The following ZAP70 variants were observed in gnomAD, a reference collection of about 807,000 sequenced individuals.
The protein encoded by ZAP70 is zeta chain of T cell receptor associated protein kinase 70, also known as tyrosine-protein kinase ZAP-70.
A neutral mutation model predicts 65.8 loss-of-function variants in ZAP70; 27 were observed. The observed-to-expected ratio is 0.41, with a 90% CI of 0.30 to 0.57. ZAP70 has a LOEUF of 0.57. Ranked by LOEUF, ZAP70 falls within the 20% of genes least tolerant of loss-of-function variation. The pLI is 0.28. For missense variants in ZAP70, 696 were observed against 870.5 expected, an observed-to-expected ratio of 0.80 and a Z score of 2.52; for synonymous variants, 363 against 360.8, an observed-to-expected ratio of 1.01 and a Z score of -0.07.
the ZAP70 span, among the ~76,000 whole-genome samples, chr2:97,747,848 T>TTTG: frequency 7.5e-6 from 1 of 134,038 alleles, no homozygotes; most frequent in Non-Finnish European, 1.6e-5. Flanking sequence ...TTTTTTTTTT[T>TTTG]GCTATTGGTG....
chr2:97,738,917 C>A (rs115081869), intron 13 of ZAP70, among the ~76,000 whole-genome samples: 1 of 152,134 alleles, frequency 6.6e-6, no homozygotes, highest in African/African-American at 2.4e-5. Context: ...TTAATACTGC[C>A]GCTCCCCGCT....
intron 2 of ZAP70, among the ~76,000 whole-genome samples, chr2:97,722,950 C>A (rs1376210803): frequency 6.6e-6 from 1 of 152,134 alleles, no homozygotes; most frequent in African/African-American, 2.4e-5. Flanking sequence ...TGAGGGAGGG[C>A]AAATACAATG....
At chr2:97,738,261 C>T in intron 13 of ZAP70, 154 bp downstream of exon 13, 1 of 746,276 alleles carries the variant, frequency 1.3e-6, no homozygotes, top group Non-Finnish European at 2.3e-6. Context: ...ACCCCCACAC[C>T]CAGCTCTCCA....
Position 97,731,627 on chromosome 2 carries a change from C to T in ZAP70, c.564-1256C>T, listed in dbSNP as rs1042213532. Among the ~76,000 whole-genome samples, 1 of 152,204 alleles carries T rather than the reference C, an allele frequency of 6.6e-6. No homozygotes were observed. Among genetic ancestry groups the T allele is most frequent in the Non-Finnish European group, 1.5e-5 (1 of 68,036 alleles). Reference sequence around the variant, plus strand: ...AGGATGGTCACAGCTGCACCTCTCTCCCTCACTCAGGGGACATTTCCTAAG... The same window carrying T: ...AGGATGGTCACAGCTGCACCTCTCTTCCTCACTCAGGGGACATTTCCTAAG... On this transcript the variant is annotated intron_variant, in intron 4 of 13. Coordinates refer to ENST00000264972, the MANE Select transcript of ZAP70 (RefSeq NM_001079.4). The surrounding 1 kb of genome is among the most constrained non-coding windows in gnomAD (Gnocchi z 4.0).
intron 2 of ZAP70, among the ~76,000 whole-genome samples, chr2:97,714,999 G>A (rs1056488975): frequency 2.6e-5 from 4 of 152,088 alleles, no homozygotes; most frequent in South Asian, 2.1e-4. Context: ...CAGGGCTCTC[G>A]GGAGGATAAA....
chr2:97,734,750 T>TG lies in ZAP70; in HGVS notation c.1082+42dup, dbSNP rs781392738. 4 of 1,609,632 alleles carry TG rather than the reference T, an allele frequency of 2.5e-6. No individual in the cohort carries two copies. The African/African-American group carries it at 5.3e-5, about 21-fold the overall frequency. ...CTGCCGTGGTGGGAGCACCGCCGCCTGGGGCAGAGGGGAGTGGCTTCACCG... is the reference window on the plus strand; with the variant it reads ...CTGCCGTGGTGGGAGCACCGCCGCCTGGGGGCAGAGGGGAGTGGCTTCACCG... On this transcript the variant is annotated intron_variant, in intron 9 of 13. Transcript: ENST00000264972.
intron 2 of ZAP70, among the ~76,000 whole-genome samples, chr2:97,719,101 G>C (rs557789885): frequency 2.5e-4 from 38 of 152,274 alleles, no homozygotes; most frequent in African/African-American, 8.7e-4. Context: ...AATTGCCAAG[G>C]AGCAACTTGC....
intron 2 of ZAP70, among the ~76,000 whole-genome samples, chr2:97,719,914 A>G (rs1231354942): frequency 1.3e-5 from 2 of 152,014 alleles, no homozygotes; most frequent in African/African-American, 2.4e-5. Flanking sequence ...CCGTCCCTAT[A>G]GTTGTGTGTG....
chr2:97,716,189 G>A (rs1202529610), intron 2 of ZAP70, among the ~76,000 whole-genome samples: 1 of 152,174 alleles, frequency 6.6e-6, no homozygotes. Context: ...GGATCCTCAG[G>A]ATGGGCCCCT....
intron 2 of ZAP70, among the ~76,000 whole-genome samples, chr2:97,722,270 C>A (rs1415084266): frequency 6.6e-6 from 1 of 151,438 alleles, no homozygotes; most frequent in Middle Eastern, 3.2e-3. Flanking sequence ...ATGGTGGAGA[C>A]GGGGTTTCAC....
At chr2:97,751,289 G>A in the ZAP70 span, among the ~76,000 whole-genome samples, 1 of 152,166 alleles carries the variant, frequency 6.6e-6, no homozygotes, top group Non-Finnish European at 1.5e-5. Flanking sequence ...ACGTAGAGGC[G>A]GGTGTGTTTT....
intron 6 of ZAP70, 30 bp downstream of exon 6, chr2:97,733,242 C>T (rs199710795): frequency 2.4e-5 from 39 of 1,609,466 alleles, no homozygotes; most frequent in Non-Finnish European, 3.0e-5. Context: ...GGGCGGTGGG[C>T]GGGGGCGGCA....
chr2:97,754,307 C>CCG, the ZAP70 span, among the ~76,000 whole-genome samples: 1 of 151,550 alleles, frequency 6.6e-6, no homozygotes, highest in Non-Finnish European at 1.5e-5. Flanking sequence ...GGAGTTTGGT[C>CCG]GGGGGGGGTC....
At chr2:97,739,239 C>T in intron 13 of ZAP70, 136 bp from the exon 14 acceptor site, 1 of 1,390,622 alleles carries the variant, frequency 7.2e-7, no homozygotes, top group Non-Finnish European at 9.7e-7. Context: ...ACCCAATGTC[C>T]CGCCACCCCA....
At chr2:97,721,783 A>G (rs1158116684) in intron 2 of ZAP70, among the ~76,000 whole-genome samples, 1 of 140,162 alleles carries the variant, frequency 7.1e-6, no homozygotes, top group Non-Finnish European at 1.6e-5. Flanking sequence ...TTTTTATTTT[A>G]TCTTTTTTTT....
the ZAP70 span, among the ~76,000 whole-genome samples, chr2:97,745,185 T>C: frequency 6.6e-6 from 1 of 152,156 alleles, no homozygotes; most frequent in Non-Finnish European, 1.5e-5. Context: ...ATTGCAGGTG[T>C]CCATCACCAT....
chr2:97,727,842 CCTCAT>C (rs908695265), intron 4 of ZAP70, among the ~76,000 whole-genome samples: 6 of 152,274 alleles, frequency 3.9e-5, no homozygotes, highest in African/African-American at 1.2e-4. Context: ...CATCTCTCTT[CCTCAT>C]CTTGCACTCA....
chr2:97,749,324 T>C, the ZAP70 span, among the ~76,000 whole-genome samples: 1 of 152,194 alleles, frequency 6.6e-6, no homozygotes, highest in Non-Finnish European at 1.5e-5. Context: ...TTCCTATTTT[T>C]ACAAAAGGCA....
At chr2:97,751,965 T>C in the ZAP70 span, among the ~76,000 whole-genome samples, 4 of 152,206 alleles carry the variant, frequency 2.6e-5, no homozygotes, top group Non-Finnish European at 5.9e-5. Context: ...GGGATCATAT[T>C]TCAACAAGAG....
Sources: allele counts gnomAD v4.1 joint callset (sites outside exome capture counted in the v4.1 genomes callset), GRCh38; gene constraint gnomAD v4.1.1; non-coding constraint Gnocchi (gnomAD v3.1); transcripts MANE v1.5; gene names NCBI Gene and HGNC (gene_info 2026-07-23, HGNC 2026-07-21).